Variants in PROM1 observed in about 807,000 individuals in gnomAD.
PROM1 encodes the protein prominin 1, also known as prominin-1.
Under a neutral mutation model 116.9 loss-of-function variants are expected in PROM1, and 105 were observed. That is an observed-to-expected ratio of 0.90 (90% CI 0.77 to 1.06). PROM1 has a LOEUF of 1.06. PROM1 is among the 50% of genes least tolerant of loss of function. PROM1 has a pLI of 0.00. For missense variants in PROM1, 1,122 were observed against 1,045.2 expected, an observed-to-expected ratio of 1.07 and a Z score of -1.01; for synonymous variants, 393 against 387.0, an observed-to-expected ratio of 1.02 and a Z score of -0.18.
intron 26 of PROM1, among the ~76,000 whole-genome samples, chr4:15,975,565 C>A (rs555451602): frequency 6.6e-6 from 1 of 152,278 alleles, no homozygotes; most frequent in South Asian, 2.1e-4. Context: ...AAAACTGAGT[C>A]TCAAGGACAT....
Position 16,039,348 on chromosome 4 carries a change from A to G in PROM1, c.221-347T>C, listed in dbSNP as rs141160554. Among the ~76,000 whole-genome samples, 1,094 of 152,350 alleles carry G rather than the reference A, an allele frequency of 7.2e-3. 30 individuals carry two copies. The highest frequency in any genetic ancestry group is 0.034 in the East Asian group (178 of 5,192). ...ATTTTGCTGAAATTGCTAATTCTTA[A>G]TTGTCTGGAAACACAAATGAAATTT... is the stretch of plus-strand genomic sequence containing the variant. On this transcript the variant is annotated intron_variant, in intron 2 of 27. Coordinates refer to ENST00000447510, the MANE Select transcript of PROM1 (RefSeq NM_006017.3).
chr4:16,050,917 T>C (rs917363964), intron 2 of PROM1, among the ~76,000 whole-genome samples: 1 of 152,218 alleles, frequency 6.6e-6, no homozygotes, highest in Non-Finnish European at 1.5e-5. Flanking sequence ...ATTCTAAGGA[T>C]ACAAGGATGA....
intron 15 of PROM1, among the ~76,000 whole-genome samples, chr4:15,994,290 C>A (rs1264333843): frequency 6.6e-6 from 1 of 152,180 alleles, no homozygotes; most frequent in Non-Finnish European, 1.5e-5. Flanking sequence ...GGAAGAGATG[C>A]AATAGGATTG....
chr4:15,977,506 C>T (rs1027638470), intron 26 of PROM1, among the ~76,000 whole-genome samples: 7 of 152,336 alleles, frequency 4.6e-5, no homozygotes, highest in East Asian at 1.9e-4. Context: ...ATACTTAAAT[C>T]GATCTTCAAC....
intron 2 of PROM1, among the ~76,000 whole-genome samples, chr4:16,073,610 C>A (rs1743302210): frequency 6.6e-6 from 1 of 151,722 alleles, no homozygotes; most frequent in South Asian, 2.1e-4. Context: ...AATTTTTCCT[C>A]CCAAAGAGGT....
chr4:16,014,761 A>G (rs1727866979), intron 10 of PROM1, among the ~76,000 whole-genome samples: 1 of 152,216 alleles, frequency 6.6e-6, no homozygotes, highest in Non-Finnish European at 1.5e-5. Context: ...TCATTTTCCC[A>G]TAGGCCCAGG....
At chr4:16,019,891 C>CACACACAT (rs574936995) in intron 8 of PROM1, among the ~76,000 whole-genome samples, 12,946 of 151,942 alleles carry the variant, frequency 0.085, 595 homozygotes, top group Middle Eastern at 0.13. Context: ...CACACACACA[C>CACACACAT]ACACACATTT....
chr4:16,041,003 C>T (rs144600517), intron 2 of PROM1, among the ~76,000 whole-genome samples: 1 of 152,338 alleles, frequency 6.6e-6, no homozygotes, highest in East Asian at 1.9e-4. Context: ...AAGCCGTGAG[C>T]CCAGCACCTC....
At chr4:16,005,333 C>G (rs1725141466) in intron 13 of PROM1, among the ~76,000 whole-genome samples, 1 of 152,138 alleles carries the variant, frequency 6.6e-6, no homozygotes, top group African/African-American at 2.4e-5. Flanking sequence ...TTGTCCAGCC[C>G]TGGTAGACCT....
At chr4:16,047,405 A>G (rs1359066488) in intron 2 of PROM1, among the ~76,000 whole-genome samples, 2 of 151,918 alleles carry the variant, frequency 1.3e-5, no homozygotes, top group African/African-American at 2.4e-5. Context: ...GGATTTCACC[A>G]TGTTAGCCAG....
At chr4:15,980,654 A>G in intron 23 of PROM1, 117 bp from the exon 24 acceptor site, 1 of 689,892 alleles carries the variant, frequency 1.4e-6, no homozygotes, top group Non-Finnish European at 2.4e-6. Flanking sequence ...ATGAGTTGTC[A>G]TTTTGTTCTT....
intron 1 of PROM1, among the ~76,000 whole-genome samples, chr4:16,081,920 AAC>A (rs1491385510): frequency 0.011 from 840 of 77,042 alleles, 3 homozygotes; most frequent in Admixed American, 0.019. Flanking sequence ...TGAAAAAAAA[AAC>A]AAGAATAAAC....
At chr4:15,984,546 C>G (rs1718834663) in intron 22 of PROM1, among the ~76,000 whole-genome samples, 191 bp from the exon 23 acceptor site, 1 of 152,212 alleles carries the variant, frequency 6.6e-6, no homozygotes, top group African/African-American at 2.4e-5. Flanking sequence ...GAACTGGGCT[C>G]CACAGCAGGA....
rs1719278464 is a variant in PROM1 at position 15,985,941 on chromosome 4, A to T, written c.2211+16T>A. 6.6e-7 allele frequency: 1 copy of T among 1,513,390 alleles called. No individual in the cohort carries two copies. Among genetic ancestry groups the T allele is most frequent in the Admixed American group, 1.9e-5 (1 of 53,798 alleles). 93.7% of individuals were successfully genotyped at this position (1,513,390 alleles called of 1,614,324 possible). A position where few individuals can be genotyped will look rare whatever the true frequency, so the allele number is the denominator to read the frequency against. Reference sequence around the variant, plus strand: ...GCCCACTTATGGACACGCTTACTTTAAAAAAGAAGGCTCACCTCAATAATA... The same window carrying T: ...GCCCACTTATGGACACGCTTACTTTTAAAAAGAAGGCTCACCTCAATAATA... On this transcript the variant is annotated intron_variant, in intron 21 of 27. Transcript: ENST00000447510.
At chr4:15,979,006 G>GGAAA (rs1716980940) in intron 26 of PROM1, among the ~76,000 whole-genome samples, 1 of 98,374 alleles carries the variant, frequency 1.0e-5, no homozygotes. Flanking sequence ...AAGGAAGGAA[G>GGAAA]GAAAGAAGGA....
In PROM1 at chr4:15,979,342, G is replaced by C. The variant is rs1209227807; in HGVS notation, c.2582+53C>G. ...CAGAAAATTCAGTGCTGATCTATAG[G>C]AGATGAGACGGTTTATCATAGGGCG... On this transcript the variant is annotated intron_variant, in intron 26 of 27. Coordinates refer to ENST00000447510, the MANE Select transcript of PROM1 (RefSeq NM_006017.3). The C allele has an allele frequency of 2.5e-6, 4 of 1,612,086 alleles. No individual in the cohort carries two copies. In the African/African-American group the frequency reaches 5.3e-5, roughly 22 times the overall value.
Position 16,033,408 on chromosome 4 carries a change from G to A in PROM1, c.405C>T (p.Cys135=). 1 of 1,613,674 alleles carries A rather than the reference G, an allele frequency of 6.2e-7. No individual in the cohort carries two copies. The highest frequency in any genetic ancestry group is 8.5e-7 in the Non-Finnish European group (1 of 1,179,814). ...LVGYFFCMCR[C]CNKCGGEMHQ... is the part of the protein sequence containing the mutation. ...GCATTTCTCCACCACATTTGTTACA[G>A]CAACGACACATACAAAAGAAATACC... Residue 135 remains cysteine (C), a synonymous_variant, in exon 5 of 28, where the codon TGC becomes TGT. Transcript: ENST00000447510.
At chr4:15,983,362 A>T (rs1442445327) in intron 23 of PROM1, among the ~76,000 whole-genome samples, 1 of 150,006 alleles carries the variant, frequency 6.7e-6, no homozygotes, top group African/African-American at 2.4e-5. Flanking sequence ...GTAGGCGAGG[A>T]ACTCAGAAAA....
At chr4:16,029,545 C>T (rs1454223454) in intron 5 of PROM1, among the ~76,000 whole-genome samples, 1 of 152,144 alleles carries the variant, frequency 6.6e-6, no homozygotes, top group Non-Finnish European at 1.5e-5. Context: ...TCAGTGTCTA[C>T]GGAATTCTCA....
Sources: allele counts gnomAD v4.1 joint callset (sites outside exome capture counted in the v4.1 genomes callset), GRCh38; gene constraint gnomAD v4.1.1; transcripts MANE v1.5; gene names NCBI Gene and HGNC (gene_info 2026-07-23, HGNC 2026-07-21).